Variants in PCDHGA5 observed in about 807,000 individuals in gnomAD.
PCDHGA5 encodes protocadherin gamma subfamily A, 5.
A neutral mutation model predicts 56.7 loss-of-function variants in PCDHGA5; 36 were observed. That is an observed-to-expected ratio of 0.64 (90% CI 0.49 to 0.84). PCDHGA5 has a LOEUF of 0.84. Ranked by LOEUF, PCDHGA5 falls within the 40% of genes least tolerant of loss-of-function variation. The pLI is 0.00. For missense variants in PCDHGA5, 1,305 were observed against 1,201.5 expected, an observed-to-expected ratio of 1.09 and a Z score of -1.27; for synonymous variants, 563 against 520.2, an observed-to-expected ratio of 1.08 and a Z score of -1.12.
Position 141,405,419 on chromosome 5 carries a change from TTTG to T in PCDHGA5, c.2421+38671_2421+38673del, listed in dbSNP as rs372094745. On this transcript the variant is annotated intron_variant, in intron 1 of 3. Transcript: ENST00000518069. ...CTTTCTTTCTTTTCTTTTTTTGTTT[TTTG>T]TTTTGTTTTGTTTTTGAGACAGAGT... The T allele has an allele frequency of 6.8e-4, 1,019 of 1,509,010 alleles. 10 individuals are homozygous for T. In the African/African-American group the frequency reaches 0.012, roughly 18 times the overall value. The allele number at this position is 1,509,010 out of a possible 1,614,324, so 93.5% of individuals were successfully genotyped here.
At chr5:141,427,869 AC>A in intron 1 of PCDHGA5, 1 of 1,559,604 alleles carries the variant, frequency 6.4e-7, no homozygotes, top group Non-Finnish European at 8.8e-7. Context: ...CTTCGAGCTC[AC>A]GATGCAGGCC....
intron 1 of PCDHGA5, chr5:141,417,732 C>G (rs2096153715): frequency 4.3e-6 from 6 of 1,390,462 alleles, no homozygotes; most frequent in Non-Finnish European, 3.8e-6. Flanking sequence ...AGACCTTGCC[C>G]AGCACACCAG....
At chr5:141,468,077 C>T (rs180732917) in intron 1 of PCDHGA5, among the ~76,000 whole-genome samples, 1 of 152,152 alleles carries the variant, frequency 6.6e-6, no homozygotes, top group East Asian at 1.9e-4. Flanking sequence ...GTAATCCCAG[C>T]ACTTTGGGAG....
In PCDHGA5 at chr5:141,381,283, C is replaced by T. The variant is rs142136901; in HGVS notation, c.2421+14532C>T. On this transcript the variant is annotated intron_variant, in intron 1 of 3. Transcript: ENST00000518069. ...AAACCAAGACTGTTTCTTGCCAGGT[C>T]TTTATTCCAGAGCAGGTCATTCTCT... 3.8e-3 allele frequency among the ~76,000 whole-genome samples: 584 copies of T among 152,356 alleles called. 6 individuals are homozygous for T. The highest frequency in any genetic ancestry group is 0.011 in the Admixed American group (170 of 15,296).
chr5:141,395,152 T>C (rs1324313583), intron 1 of PCDHGA5: 1 of 1,614,196 alleles, frequency 6.2e-7, no homozygotes, highest in African/African-American at 1.3e-5. Context: ...GACATGCTCA[T>C]CAGTCAGGAG....
intron 1 of PCDHGA5, chr5:141,409,789 G>C (rs1390138666): frequency 1.2e-6 from 2 of 1,611,918 alleles, no homozygotes; most frequent in African/African-American, 2.7e-5. Context: ...GCGCCTTCGC[G>C]CTCACGCTGC....
At chr5:141,393,491 G>C in intron 1 of PCDHGA5, 1 of 1,614,026 alleles carries the variant, frequency 6.2e-7, no homozygotes, top group Non-Finnish European at 8.5e-7. Flanking sequence ...CTAGCACAGT[G>C]CGCATCCACG....
At chr5:141,407,969 A>C (rs900029714) in intron 1 of PCDHGA5, 1 of 708,308 alleles carries the variant, frequency 1.4e-6, no homozygotes, top group Non-Finnish European at 2.2e-6. Flanking sequence ...GCAAGCGCTG[A>C]CGCCGGGGAT....
chr5:141,366,240 C>T lies in PCDHGA5; in HGVS notation c.1910C>T (p.Ala637Val), dbSNP rs750277167. The T allele has an allele frequency of 6.8e-6, 11 of 1,613,680 alleles. No homozygotes were observed. Among genetic ancestry groups the T allele is most frequent in the African/African-American group, 5.3e-5 (4 of 74,964 alleles). ...GCGCGAGCCCTGCTGGACAGAGACGCGCTCAAGCAGAGCCTCGTGGTGGCC... is the reference window on the plus strand; with the variant it reads ...GCGCGAGCCCTGCTGGACAGAGACGTGCTCAAGCAGAGCCTCGTGGTGGCC... ...RTARALLDRDALKQSLVVAVE... is the reference protein window; with the variant it reads ...RTARALLDRDVLKQSLVVAVE... The change falls in exon 1 of 4, where the codon GCG (alanine) becomes GTG (valine). Residue 637 changes from alanine (A) to valine (V), a missense_variant. By Grantham distance (64) the Ala-to-Val change is moderately conservative. Coordinates refer to ENST00000518069, the MANE Select transcript of PCDHGA5 (RefSeq NM_018918.3).
intron 1 of PCDHGA5, among the ~76,000 whole-genome samples, chr5:141,457,537 T>C (rs967428207): frequency 6.6e-6 from 1 of 152,228 alleles, no homozygotes; most frequent in Non-Finnish European, 1.5e-5. Context: ...TAGGGTTTAA[T>C]GACAAATGTA....
intron 1 of PCDHGA5, among the ~76,000 whole-genome samples, chr5:141,482,799 C>T (rs933003208): frequency 6.6e-6 from 1 of 152,086 alleles, no homozygotes; most frequent in Non-Finnish European, 1.5e-5. Flanking sequence ...TGGCCGGGTA[C>T]GGTGGCTCAT....
At position 141,389,943 on chromosome 5, in the gene PCDHGA5, CAGTTTT is replaced by C. The variant is rs777429461; in HGVS notation, c.2421+23194_2421+23199del. The C allele has an allele frequency of 2.5e-6, 4 of 1,613,956 alleles. No homozygotes were observed. In the African/African-American group the frequency reaches 5.3e-5, roughly 22 times the overall value. On this transcript the variant is annotated intron_variant, in intron 1 of 3. Transcript: ENST00000518069. The stretch of plus-strand genomic sequence containing the variant: ...CCCCTCTGACCTCCAGGCTGAGCTG[CAGTTTT>C]ACCTAGTGGTGGCCTTGGCCTTGAT...
intron 1 of PCDHGA5, among the ~76,000 whole-genome samples, chr5:141,438,635 TAC>T (rs56854727): frequency 0.14 from 4,591 of 32,686 alleles, 460 homozygotes; most frequent in Middle Eastern, 0.21. Flanking sequence ...TATATATATA[TAC>T]ACACACACAC....
intron 2 of PCDHGA5, among the ~76,000 whole-genome samples, chr5:141,496,888 TAA>T (rs35063790): frequency 6.7e-5 from 9 of 134,018 alleles, no homozygotes; most frequent in Non-Finnish European, 4.9e-5. Flanking sequence ...AAGTAACACT[TAA>T]AAAAAAAAAA....
Position 141,431,794 on chromosome 5 carries a change from A to C in PCDHGA5, c.2422-63013A>C. On this transcript the variant is annotated intron_variant, in intron 1 of 3. Coordinates refer to ENST00000518069, the MANE Select transcript of PCDHGA5 (RefSeq NM_018918.3). The surrounding 1 kb of genome is among the most constrained non-coding windows in gnomAD (Gnocchi z 4.8). ...TTCTGGACGTGAACGACAATGCCCC[A>C]GAAGTGGTCCTCACCTCTCTCGCCA... 1 of 1,614,260 alleles carries C rather than the reference A, an allele frequency of 6.2e-7. No individual in the cohort carries two copies. Among genetic ancestry groups the C allele is most frequent in the Non-Finnish European group, 8.5e-7 (1 of 1,180,046 alleles).
rs1318239086 is a variant in PCDHGA5 at position 141,375,939 on chromosome 5, T to C, written c.2421+9188T>C. 2.5e-6 allele frequency: 4 copies of C among 1,613,658 alleles called. No homozygotes were observed. In the East Asian group the frequency reaches 8.9e-5, roughly 36 times the overall value. On this transcript the variant is annotated intron_variant, in intron 1 of 3. Transcript: ENST00000518069. ...GCCAGCGAGCCAGGACTTTTCTCAGTGGGCCTGCACACGGGCGAGGTGCGC... is the reference window on the plus strand; with the variant it reads ...GCCAGCGAGCCAGGACTTTTCTCAGCGGGCCTGCACACGGGCGAGGTGCGC...
At chr5:141,405,450 T>G in intron 1 of PCDHGA5, 7 of 1,286,684 alleles carry the variant, frequency 5.4e-6, no homozygotes, top group South Asian at 1.4e-5. Flanking sequence ...GACAGAGTCT[T>G]ACTCTGTTAC....
chr5:141,364,999 C>A lies in PCDHGA5; in HGVS notation c.669C>A (p.Ser223=). ...TALDGGDPVL[S]GTTHIRVTVL... is the part of the protein sequence containing the mutation. ...TAGATGGCGGAGACCCGGTACTCTC[C>A]GGCACCACGCACATCCGTGTTACGG... Residue 223 remains serine, a synonymous_variant, in exon 1 of 4, where the codon TCC becomes TCA. Transcript: ENST00000518069. 6.2e-7 allele frequency: 1 copy of A among 1,613,864 alleles called. No homozygotes were observed. The highest frequency in any genetic ancestry group is 1.1e-5 in the South Asian group (1 of 91,084).
chr5:141,421,617 C>T, intron 1 of PCDHGA5: 3 of 1,613,768 alleles, frequency 1.9e-6, no homozygotes, highest in African/African-American at 1.3e-5. Context: ...TTAATGATAA[C>T]GCCCCCAGCT....
Sources: allele counts gnomAD v4.1 joint callset (sites outside exome capture counted in the v4.1 genomes callset), GRCh38; gene constraint gnomAD v4.1.1; non-coding constraint Gnocchi (gnomAD v3.1); transcripts MANE v1.5; gene names NCBI Gene and HGNC (gene_info 2026-07-23, HGNC 2026-07-21).